TLE4: variants seen among roughly 807,000 people sequenced by gnomAD.
TLE4 encodes TLE family member 4, transcriptional corepressor.
Under a neutral mutation model 92.8 loss-of-function variants are expected in TLE4, and 8 were observed. The observed-to-expected ratio is 0.09, with a 90% CI of 0.05 to 0.16. The LOEUF is 0.16. Ranked by LOEUF, TLE4 falls within the 10% of genes least tolerant of loss-of-function variation. TLE4 has a pLI of 1.00. For missense variants in TLE4, 675 were observed against 997.6 expected (o/e 0.68, Z 4.36); for synonymous variants, 371 against 374.1 (o/e 0.99, Z 0.10).
intron 8 of TLE4, among the ~76,000 whole-genome samples, chr9:79,654,524 A>C (rs966136841): frequency 1.3e-5 from 2 of 151,040 alleles, no homozygotes; most frequent in East Asian, 1.9e-4. Context: ...ACTAGAAATA[A>C]TTTTCTCTTT....
At chr9:79,627,737 A>T in intron 6 of TLE4, 1 of 357,968 alleles carries the variant, frequency 2.8e-6, no homozygotes, top group East Asian at 5.5e-5. Flanking sequence ...TTGCTAACCT[A>T]GGCCAAAAAA....
intron 6 of TLE4, among the ~76,000 whole-genome samples, chr9:79,632,126 G>GCTTTGTGGGAAAC (rs1312202041): frequency 1.3e-5 from 2 of 152,156 alleles, no homozygotes; most frequent in African/African-American, 4.8e-5. Flanking sequence ...TTCCCCCAGT[G>GCTTTGTGGGAAAC]CTTTGTGGGA....
rs201703349 is a variant in TLE4, at chr9:79,709,677, A to G, written c.1318A>G (p.Thr440Ala). 5.3e-4 allele frequency: 857 copies of G among 1,614,110 alleles called. No individual in the cohort carries two copies. Among genetic ancestry groups the G allele is most frequent in the Non-Finnish European group, 6.3e-4 (743 of 1,179,996 alleles). The stretch of plus-strand genomic sequence containing the variant: ...TGTGCCAGCAATACCTCCAAACCTG[A>G]CAGGCATTCCAGGAGGAAAACCGTG... Reference protein sequence around the residue: ...MRVPAIPPNLTGIPGGKPAYS... With the variant: ...MRVPAIPPNLAGIPGGKPAYS... Residue 440 changes from threonine to alanine, a missense_variant, in exon 14 of 20, where the codon ACA becomes GCA. By Grantham distance (58) the Thr-to-Ala change is moderately conservative. This residue lies in a region of TLE4 where 119 missense variants were observed against 175.9 expected (regional missense o/e 0.68). Transcript: ENST00000376552.
At chr9:79,670,292 G>C (rs905192366) in intron 8 of TLE4, among the ~76,000 whole-genome samples, 2 of 152,082 alleles carry the variant, frequency 1.3e-5, no homozygotes, top group Admixed American at 1.3e-4. Context: ...ACACCGACTT[G>C]ACTCAGCATG....
At chr9:79,609,528 T>A (rs1407608270) in intron 4 of TLE4, among the ~76,000 whole-genome samples, 2 of 152,040 alleles carry the variant, frequency 1.3e-5, no homozygotes, top group Admixed American at 1.3e-4. Flanking sequence ...TTTTATTGTT[T>A]TTTAAATGAG....
rs2036599009 is a variant in TLE4 at position 79,573,555 on chromosome 9, G to A, written c.46-134G>A. 4.8e-6 allele frequency: 4 copies of A among 832,960 alleles called. No individual in the cohort carries two copies. In the Admixed American group the frequency reaches 1.0e-4, roughly 21 times the overall value. 51.6% of individuals were successfully genotyped at this position (832,960 alleles called of 1,614,324 possible). On this transcript the variant is annotated intron_variant, in intron 1 of 19. Coordinates refer to ENST00000376552, the MANE Select transcript of TLE4 (RefSeq NM_007005.6). ...GTTGGGCGCGAGGAGGGTTGCGGGA[G>A]GAGAGTTTTAATCTCTCTTTGCTTG...
intron 5 of TLE4, among the ~76,000 whole-genome samples, chr9:79,617,521 A>G (rs2049933826): frequency 6.6e-6 from 1 of 152,310 alleles, no homozygotes; most frequent in Non-Finnish European, 1.5e-5. Flanking sequence ...TCTCCAGGGT[A>G]CAGTTGTATT....
rs527944825 is a variant in TLE4, at chr9:79,726,775, C to T, written c.*1631C>T. The T allele has an allele frequency of 2.0e-5, 3 of 152,694 alleles. No individual in the cohort carries two copies. Among genetic ancestry groups the T allele is most frequent in the Non-Finnish European group, 2.9e-5 (2 of 68,008 alleles). The allele number at this position is 152,694 out of a possible 1,614,324, so 9.5% of individuals were successfully genotyped here. On this transcript the variant is annotated 3_prime_UTR_variant, in exon 20 of 20. Coordinates refer to ENST00000376552, the MANE Select transcript of TLE4 (RefSeq NM_007005.6). ...TTTTTCTAATTCTTTGTCTTGATGA[C>T]ATTAGTTTATTTTTTATCTTTGGCT...
intron 6 of TLE4, among the ~76,000 whole-genome samples, chr9:79,636,569 C>T (rs2055891121): frequency 6.6e-6 from 1 of 152,156 alleles, no homozygotes; most frequent in South Asian, 2.1e-4. Flanking sequence ...AGCCCATCCT[C>T]TGGATCCTAG....
chr9:79,657,395 A>G (rs2059922743), intron 8 of TLE4, among the ~76,000 whole-genome samples: 1 of 152,210 alleles, frequency 6.6e-6, no homozygotes, highest in Non-Finnish European at 1.5e-5. Flanking sequence ...TCCCTAGAAA[A>G]GTCGTAAGTG....
Position 79,573,669 on chromosome 9 carries a change from AT to A in TLE4, c.46-16del. 1 of 1,576,022 alleles carries A rather than the reference AT, an allele frequency of 6.3e-7. No homozygotes were observed. Among genetic ancestry groups the A allele is most frequent in the Non-Finnish European group, 8.7e-7 (1 of 1,152,318 alleles). ...CGCCTGTGATGTGGGCTAATTAAAT[AT>A]TTTATTGTTGTTCTTCAGGCACCGC... is the stretch of plus-strand genomic sequence containing the variant. On this transcript the variant is annotated intron_variant, in intron 1 of 19. Coordinates refer to ENST00000376552, the MANE Select transcript of TLE4 (RefSeq NM_007005.6).
chr9:79,655,562 T>C (rs907083081), intron 8 of TLE4, among the ~76,000 whole-genome samples: 1 of 152,216 alleles, frequency 6.6e-6, no homozygotes, highest in Non-Finnish European at 1.5e-5. Context: ...ATGTCAACAT[T>C]TACAATTAGA....
intron 4 of TLE4, among the ~76,000 whole-genome samples, chr9:79,607,354 C>G (rs566308613): frequency 6.6e-6 from 1 of 151,784 alleles, no homozygotes; most frequent in Non-Finnish European, 1.5e-5. Flanking sequence ...TTTCTTTTGC[C>G]GTGTAGAAGC....
At position 79,709,760 on chromosome 9, in the gene TLE4, G is replaced by A. The variant is rs74468516; in HGVS notation, c.1340+61G>A. ...CAAACTCAGGTCCCTTGCTGGCCCC[G>A]TAGACTTAGAATACCACTAGACAGT... On this transcript the variant is annotated intron_variant, in intron 14 of 19. Coordinates refer to ENST00000376552, the MANE Select transcript of TLE4 (RefSeq NM_007005.6). 2.6e-4 allele frequency: 374 copies of A among 1,460,544 alleles called. No individual in the cohort carries two copies. In the East Asian group the frequency reaches 3.9e-3, roughly 15 times the overall value. The allele number at this position is 1,460,544 out of a possible 1,614,324, so 90.5% of individuals were successfully genotyped here.
In TLE4 at chr9:79,722,513, T is replaced by C. The variant is rs201634542; in HGVS notation, c.2049T>C (p.Asn683=). Residue 683 remains asparagine (N), a synonymous_variant, in exon 18 of 20, where the codon AAT becomes AAC. Coordinates refer to ENST00000376552, the MANE Select transcript of TLE4 (RefSeq NM_007005.6). The part of the protein sequence containing the change: ...EWLAVGMENS[N]VEVLHVTKPD... The stretch of plus-strand genomic sequence containing the variant: ...TTGCAGTGGGGATGGAGAACAGCAA[T>C]GTGGAAGTTTTGCATGTCACCAAGC... 3 of 1,614,214 alleles carry C rather than the reference T, an allele frequency of 1.9e-6. No homozygotes were observed. Among genetic ancestry groups the C allele is most frequent in the African/African-American group, 1.3e-5 (1 of 75,056 alleles).
chr9:79,725,187 C>A lies in TLE4; in HGVS notation c.*43C>A. The A allele has an allele frequency of 1.4e-6, 2 of 1,446,904 alleles. No individual in the cohort carries two copies. Among genetic ancestry groups the A allele is most frequent in the Non-Finnish European group, 1.9e-6 (2 of 1,030,520 alleles). The allele number at this position is 1,446,904 out of a possible 1,614,324, so 89.6% of individuals were successfully genotyped here. A position where few individuals can be genotyped will look rare whatever the true frequency, so the allele number is the denominator to read the frequency against. Reference sequence around the variant, plus strand: ...GACTGGACTTCTCCTCCTGGTAGCACTTTGCTCTGTCATCCTTTTTGTTCA... The same window carrying A: ...GACTGGACTTCTCCTCCTGGTAGCAATTTGCTCTGTCATCCTTTTTGTTCA... On this transcript the variant is annotated 3_prime_UTR_variant, in exon 20 of 20. Transcript: ENST00000376552.
chr9:79,725,142 TAA>T lies in TLE4; in HGVS notation c.2322_*1del. ...GGCCACAGTTTATGAAGTTATTTAT[TAA>T]AGACAAATCTTCATGCAGACTGGAC... ...KKATVYEVIY[*>X] On this transcript the variant is annotated frameshift_variant and stop_lost, in exon 20 of 20. Coordinates refer to ENST00000376552, the MANE Select transcript of TLE4 (RefSeq NM_007005.6). LOFTEE classifies it high-confidence loss of function. 6.2e-7 allele frequency: 1 copy of T among 1,609,948 alleles called. No individual in the cohort carries two copies. Among genetic ancestry groups the T allele is most frequent in the Non-Finnish European group, 8.5e-7 (1 of 1,176,264 alleles).
intron 10 of TLE4, among the ~76,000 whole-genome samples, chr9:79,706,301 C>T (rs2071546001): frequency 6.6e-6 from 1 of 152,036 alleles, no homozygotes; most frequent in East Asian, 1.9e-4. Flanking sequence ...TGAGCCACTG[C>T]ACCTGGCCCA....
At chr9:79,706,978 TTC>T in intron 11 of TLE4, 79 bp downstream of exon 11, 2 of 1,572,830 alleles carry the variant, frequency 1.3e-6, no homozygotes, top group Non-Finnish European at 1.7e-6. Flanking sequence ...ATCTTTATAT[TTC>T]TCACATTTTT....
Sources: allele counts gnomAD v4.1 joint callset (sites outside exome capture counted in the v4.1 genomes callset), GRCh38; gene constraint gnomAD v4.1.1; regional missense constraint gnomAD v4.1.1; transcripts MANE v1.5; gene names NCBI Gene and HGNC (gene_info 2026-07-23, HGNC 2026-07-21).